The following TXK variants were observed in gnomAD, a reference collection of about 807,000 sequenced individuals.
TXK encodes TXK tyrosine kinase.
TXK carries 60 observed loss-of-function variants against 81.0 expected under a neutral mutation model. That is an observed-to-expected ratio of 0.74 (90% CI 0.60 to 0.92). The LOEUF is 0.92. Among genes scored for constraint, TXK ranks in the 40% least tolerant of loss-of-function variants. The pLI, the probability that TXK is intolerant of heterozygous loss-of-function variation, is 0.00. For synonymous variants in TXK, 203 were observed against 210.7 expected (o/e 0.96, Z 0.32); for missense variants, 581 against 638.3 (o/e 0.91, Z 0.97).
chr4:48,076,694 T>C (rs1482268534), intron 11 of TXK, among the ~76,000 whole-genome samples: 1 of 152,152 alleles, frequency 6.6e-6, no homozygotes, highest in East Asian at 1.9e-4. Context: ...AATGGCACCA[T>C]GTTGGCTCAC....
chr4:48,079,856 T>A, intron 11 of TXK, 56 bp downstream of exon 11: 3 of 1,190,000 alleles, frequency 2.5e-6, no homozygotes, highest in Non-Finnish European at 2.5e-6. Context: ...AATTGTCACA[T>A]CCTTCTGAAT....
At chr4:48,090,861 C>T (rs1253403727) in intron 8 of TXK, among the ~76,000 whole-genome samples, 2 of 152,230 alleles carry the variant, frequency 1.3e-5, no homozygotes, top group Non-Finnish European at 2.9e-5. Context: ...GACAGCTACG[C>T]TGACGTTGAT....
In TXK at chr4:48,071,547, T is replaced by C. The variant is rs1716857275; in HGVS notation, c.1485A>G (p.Ile495Met). 6.2e-7 allele frequency: 1 copy of C among 1,614,158 alleles called. No individual in the cohort carries two copies. The highest frequency in any genetic ancestry group is 8.5e-7 in the Non-Finnish European group (1 of 1,180,022). Residue 495 changes from isoleucine to methionine, a missense_variant, in exon 14 of 15, where the codon ATA becomes ATG. By Grantham distance (10) the Ile-to-Met change is conservative (BLOSUM62 1). Transcript: ENST00000264316. ...LYRPHLAPMSIYEVMYSCWHE... is the reference protein window; with the variant it reads ...LYRPHLAPMSMYEVMYSCWHE... ...GCCAGCAGCTGTACATGACTTCATA[T>C]ATGGACATTGGTGCCAGGTGAGGGC...
At chr4:48,097,457 T>C (rs1363307256) in intron 6 of TXK, among the ~76,000 whole-genome samples, 4 of 150,100 alleles carry the variant, frequency 2.7e-5, no homozygotes, top group Admixed American at 6.6e-5. Context: ...TCCCACTCTG[T>C]CGCCAGGCTG....
intron 14 of TXK, among the ~76,000 whole-genome samples, chr4:48,070,321 T>C (rs1372944156): frequency 6.6e-6 from 1 of 152,174 alleles, no homozygotes; most frequent in East Asian, 1.9e-4. Flanking sequence ...AAAACTAAGT[T>C]CTGGAGAGAT....
intron 14 of TXK, 70 bp from the exon 15 acceptor site, chr4:48,067,775 G>T: frequency 1.4e-6 from 2 of 1,441,832 alleles, no homozygotes; most frequent in Non-Finnish European, 2.0e-6. Context: ...TTTTTGGAAC[G>T]CTAAGCATGT....
intron 8 of TXK, among the ~76,000 whole-genome samples, chr4:48,093,600 T>G (rs1380071588): frequency 6.6e-6 from 1 of 152,184 alleles, no homozygotes; most frequent in East Asian, 1.9e-4. Context: ...GGCTAAATTG[T>G]AACTGTGAAA....
chr4:48,114,287 C>T, intron 2 of TXK, 61 bp downstream of exon 2: 1 of 1,549,948 alleles, frequency 6.5e-7, no homozygotes, highest in Non-Finnish European at 8.9e-7. Flanking sequence ...GGTGACTCCA[C>T]AGGTAATAAA....
At chr4:48,087,441 A>T (rs2013231) in intron 9 of TXK, among the ~76,000 whole-genome samples, 39,304 of 149,226 alleles carry the variant, frequency 0.26, 5,241 homozygotes, top group African/African-American at 0.33. Flanking sequence ...TATTATTATT[A>T]TTTTTTTTTT....
intron 9 of TXK, among the ~76,000 whole-genome samples, chr4:48,086,958 A>G (rs1412537611): frequency 1.3e-5 from 2 of 149,548 alleles, no homozygotes; most frequent in Admixed American, 1.3e-4. Context: ...TAGACCTGGG[A>G]CCCAAAATAT....
At chr4:48,105,021 T>G (rs556780956) in intron 5 of TXK, 66 bp from the exon 6 acceptor site, 1 of 1,155,294 alleles carries the variant, frequency 8.7e-7, no homozygotes, top group Non-Finnish European at 1.2e-6. Context: ...AAGTGCTTCA[T>G]TTTCTTCATT....
intron 14 of TXK, among the ~76,000 whole-genome samples, chr4:48,069,179 G>A (rs1560336170): frequency 6.6e-6 from 1 of 152,070 alleles, no homozygotes; most frequent in African/African-American, 2.4e-5. Context: ...GCACATCACT[G>A]TAGTCCCAGC....
intron 1 of TXK, among the ~76,000 whole-genome samples, chr4:48,133,368 T>C (rs1419347363): frequency 2.0e-5 from 3 of 152,210 alleles, no homozygotes; most frequent in South Asian, 2.1e-4. Context: ...GATGGTCTTA[T>C]ATTCTATAAA....
Position 48,067,227 on chromosome 4 carries a change from T to C in TXK, c.*410A>G, listed in dbSNP as rs970042342. The C allele has an allele frequency of 1.9e-5, 3 of 161,392 alleles. No individual in the cohort carries two copies. Among genetic ancestry groups the C allele is most frequent in the Non-Finnish European group, 4.1e-5 (3 of 73,304 alleles). 10.0% of individuals were successfully genotyped at this position (161,392 alleles called of 1,614,324 possible). A position where few individuals can be genotyped will look rare whatever the true frequency, so the allele number is the denominator to read the frequency against. ...CCCTTTATCCCATGAGTTGGAAGAA[T>C]TTATTTTCATATTCTATGCATGGAT... On this transcript the variant is annotated 3_prime_UTR_variant, in exon 15 of 15. Transcript: ENST00000264316.
At chr4:48,103,212 T>C (rs917390102) in intron 6 of TXK, among the ~76,000 whole-genome samples, 1 of 152,194 alleles carries the variant, frequency 6.6e-6, no homozygotes, top group Non-Finnish European at 1.5e-5. Flanking sequence ...CACAGCCCAG[T>C]GATTTGGGCC....
chr4:48,129,041 G>A (rs1719170405), intron 1 of TXK, among the ~76,000 whole-genome samples: 1 of 152,014 alleles, frequency 6.6e-6, no homozygotes, highest in South Asian at 2.1e-4. Context: ...AGACTTCTTG[G>A]TTTGGAGTTA....
chr4:48,101,346 T>C (rs1286248416), intron 6 of TXK, among the ~76,000 whole-genome samples: 1 of 152,166 alleles, frequency 6.6e-6, no homozygotes. Flanking sequence ...ACAGTTATAG[T>C]AGCTAACCAA....
chr4:48,129,718 TTTTC>T (rs1264538012), intron 1 of TXK, among the ~76,000 whole-genome samples: 2 of 152,142 alleles, frequency 1.3e-5, no homozygotes, highest in Non-Finnish European at 2.9e-5. Context: ...ATGAGGCAAT[TTTTC>T]TTTCTTTCTC....
intron 6 of TXK, among the ~76,000 whole-genome samples, chr4:48,102,836 C>T (rs1249890871): frequency 6.6e-6 from 1 of 152,066 alleles, no homozygotes; most frequent in Non-Finnish European, 1.5e-5. Flanking sequence ...TAATGTTTAA[C>T]TAAAAAATCA....
Sources: gnomAD v4.1 joint callset for allele counts (sites outside exome capture counted in the v4.1 genomes callset) on GRCh38, gnomAD v4.1.1 for gene constraint, MANE v1.5 for transcripts, NCBI Gene and HGNC (gene_info 2026-07-23, HGNC 2026-07-21) for gene names.